Variants in ALK observed in about 807,000 individuals in gnomAD.
ALK encodes ALK receptor tyrosine kinase.
In ALK, 74 loss-of-function variants were observed where a neutral mutation model predicts 163.1. The ratio of observed to expected loss-of-function variants is 0.45; its 90% CI spans 0.38 to 0.55. The LOEUF is 0.55. Ranked by LOEUF, ALK falls within the 20% of genes least tolerant of loss-of-function variation. The pLI, the probability that ALK is intolerant of heterozygous loss-of-function variation, is 0.00. For synonymous variants in ALK, 960 were observed against 843.2 expected, an observed-to-expected ratio of 1.14 and a Z score of -2.40; for missense variants, 2,063 against 2,105.3, an observed-to-expected ratio of 0.98 and a Z score of 0.39.
intron 3 of ALK, among the ~76,000 whole-genome samples, chr2:29,579,617 C>A (rs1186591907): frequency 6.6e-6 from 1 of 152,206 alleles, no homozygotes; most frequent in Non-Finnish European, 1.5e-5. Context: ...GCTCTGGGAA[C>A]TAACTCATCA....
At chr2:29,773,693 T>C (rs959301091) in intron 1 of ALK, among the ~76,000 whole-genome samples, 1 of 152,252 alleles carries the variant, frequency 6.6e-6, no homozygotes, top group Non-Finnish European at 1.5e-5. Flanking sequence ...GAAATATTTA[T>C]GGCATTAAGT....
chr2:29,602,490 T>C (rs1675407151), intron 3 of ALK, among the ~76,000 whole-genome samples: 1 of 152,200 alleles, frequency 6.6e-6, no homozygotes, highest in Non-Finnish European at 1.5e-5. Context: ...AGACTCTTAA[T>C]ATATAAAATC....
intron 20 of ALK, 40 bp from the exon 21 acceptor site, chr2:29,222,647 G>C (rs2148169573): frequency 6.3e-7 from 1 of 1,588,536 alleles, no homozygotes; most frequent in Non-Finnish European, 8.6e-7. Flanking sequence ...GAGTCAAACA[G>C]GCCACAATAA....
intron 3 of ALK, among the ~76,000 whole-genome samples, chr2:29,545,691 C>G (rs1360739738): frequency 6.6e-6 from 1 of 152,196 alleles, no homozygotes; most frequent in African/African-American, 2.4e-5. Context: ...CTGTTACTCT[C>G]CACCACCAGG....
intron 3 of ALK, among the ~76,000 whole-genome samples, chr2:29,583,746 T>C (rs1674793636): frequency 6.6e-6 from 1 of 152,176 alleles, no homozygotes. Context: ...CCAGATAAGC[T>C]ATTCTACACA....
At chr2:29,231,880 C>T (rs923882610) in intron 15 of ALK, among the ~76,000 whole-genome samples, 1 of 152,178 alleles carries the variant, frequency 6.6e-6, no homozygotes, top group Non-Finnish European at 1.5e-5. Flanking sequence ...AGCGGGGATA[C>T]GCTTGGGTCT....
intron 3 of ALK, among the ~76,000 whole-genome samples, chr2:29,631,147 G>A (rs969120818): frequency 5.3e-5 from 8 of 152,170 alleles, no homozygotes; most frequent in South Asian, 2.1e-4. Context: ...GGAAAAACTT[G>A]GGCATTCATT....
At chr2:29,593,056 C>T (rs1675106970) in intron 3 of ALK, among the ~76,000 whole-genome samples, 2 of 152,218 alleles carry the variant, frequency 1.3e-5, no homozygotes, top group Non-Finnish European at 2.9e-5. Context: ...CAAATACCAC[C>T]AATATCAGAA....
intron 4 of ALK, among the ~76,000 whole-genome samples, chr2:29,404,070 G>A (rs1048479749): frequency 2.6e-5 from 4 of 152,088 alleles, no homozygotes; most frequent in African/African-American, 9.7e-5. Flanking sequence ...TTGGGAGGCT[G>A]AGGTGGGTGG....
intron 3 of ALK, among the ~76,000 whole-genome samples, chr2:29,680,469 T>C (rs919854280): frequency 5.3e-5 from 8 of 152,128 alleles, no homozygotes; most frequent in Admixed American, 3.9e-4. Flanking sequence ...GTTGAGCTGG[T>C]CTAGTGAATT....
At chr2:29,305,674 T>G (rs1666489760) in intron 8 of ALK, among the ~76,000 whole-genome samples, 1 of 152,288 alleles carries the variant, frequency 6.6e-6, no homozygotes, top group South Asian at 2.1e-4. Context: ...GAATTCCATC[T>G]TAAGACCTAT....
intron 3 of ALK, among the ~76,000 whole-genome samples, chr2:29,611,152 C>T (rs1220318369): frequency 6.6e-6 from 1 of 152,106 alleles, no homozygotes; most frequent in Non-Finnish European, 1.5e-5. Context: ...GGGTTCCATG[C>T]TGAAGTCACC....
chr2:29,269,084 C>T (rs1665311780), intron 11 of ALK, among the ~76,000 whole-genome samples: 2 of 152,214 alleles, frequency 1.3e-5, no homozygotes, highest in African/African-American at 2.4e-5. Context: ...CACAGGTAGT[C>T]TGTGCTCTTA....
At chr2:29,368,480 T>G (rs1023869959) in intron 5 of ALK, among the ~76,000 whole-genome samples, 12 of 152,140 alleles carry the variant, frequency 7.9e-5, no homozygotes, top group African/African-American at 2.9e-4. Context: ...TTTTCAAAAA[T>G]CCAAAGAATT....
At chr2:29,868,541 C>T (rs929322424) in intron 1 of ALK, among the ~76,000 whole-genome samples, 6 of 152,008 alleles carry the variant, frequency 3.9e-5, no homozygotes, top group South Asian at 2.1e-4. Flanking sequence ...ATAGAGTGGT[C>T]GGTCAGGAGA....
At chr2:29,360,282 C>G (rs150897631) in intron 5 of ALK, among the ~76,000 whole-genome samples, 2 of 152,288 alleles carry the variant, frequency 1.3e-5, no homozygotes, top group East Asian at 3.9e-4. Context: ...GTCTTCACAG[C>G]CATGAGTGAG....
chr2:29,320,622 C>T, intron 7 of ALK, 129 bp downstream of exon 7: 1 of 1,329,534 alleles, frequency 7.5e-7, no homozygotes, highest in Non-Finnish European at 1.1e-6. Context: ...TGTGTGAACG[C>T]TCTAGGCAAG....
intron 1 of ALK, among the ~76,000 whole-genome samples, chr2:29,728,138 A>C (rs1463755787): frequency 6.6e-6 from 1 of 152,190 alleles, no homozygotes; most frequent in Non-Finnish European, 1.5e-5. Context: ...AAAATCACTG[A>C]GAAAGAAACC....
Position 29,353,723 on chromosome 2 carries a change from T to TA in ALK, c.1283-25243dup, listed in dbSNP as rs76463638. Among the ~76,000 whole-genome samples the TA allele has an allele frequency of 5.7e-3, 804 of 140,102 alleles. 9 individuals are homozygous for TA. Among genetic ancestry groups the TA allele is most frequent in the African/African-American group, 0.02 (748 of 38,280 alleles). The allele number at this position is 140,102 out of a possible 152,430, so 91.9% of individuals were successfully genotyped here. A position where few individuals can be genotyped will look rare whatever the true frequency, so the allele number is the denominator to read the frequency against. The stretch of plus-strand genomic sequence containing the variant: ...AGAAGGTCATGATGAAGTGAGGATC[T>TA]AAAAAAAAAAAAAGCATTTATTGAA... On this transcript the variant is annotated intron_variant, in intron 5 of 28. Transcript: ENST00000389048.
Sources: gnomAD v4.1 joint callset for allele counts (sites outside exome capture counted in the v4.1 genomes callset) on GRCh38, gnomAD v4.1.1 for gene constraint, MANE v1.5 for transcripts, NCBI Gene and HGNC (gene_info 2026-07-23, HGNC 2026-07-21) for gene names.